The following CYP2C19 variants were observed in gnomAD, a reference collection of about 807,000 sequenced individuals.
CYP2C19 encodes cytochrome P450 2C19.
CYP2C19 carries 59 observed loss-of-function variants against 40.9 expected under a neutral mutation model. The ratio of observed to expected loss-of-function variants is 1.44; its 90% CI spans 1.17 to 1.79. The LOEUF (loss-of-function observed/expected upper bound fraction) is 1.79. Ranked by LOEUF, CYP2C19 falls within the 40% of genes most tolerant of loss-of-function variation. CYP2C19 has a pLI of 0.00. For synonymous variants in CYP2C19, 253 were observed against 208.7 expected, an observed-to-expected ratio of 1.21 and a Z score of -1.83; for missense variants, 754 against 596.9, an observed-to-expected ratio of 1.26 and a Z score of -2.74.
At chr10:94,790,610 T>G (rs941560023) in intron 5 of CYP2C19, among the ~76,000 whole-genome samples, 1 of 152,122 alleles carries the variant, frequency 6.6e-6, no homozygotes, top group African/African-American at 2.4e-5. Context: ...AATCATGTGG[T>G]TTTTGTCTTT....
chr10:94,839,909 G>C (rs904939201), intron 6 of CYP2C19, among the ~76,000 whole-genome samples: 1 of 152,166 alleles, frequency 6.6e-6, no homozygotes, highest in African/African-American at 2.4e-5. Context: ...TCAGAGGTTG[G>C]AGTTACGTTA....
At chr10:94,770,889 A>T (rs1216035529) in intron 1 of CYP2C19, among the ~76,000 whole-genome samples, 1 of 152,156 alleles carries the variant, frequency 6.6e-6, no homozygotes, top group African/African-American at 2.4e-5. Flanking sequence ...CTTGCTGACC[A>T]GTAGGGAATT....
At position 94,854,018 on chromosome 10, in the gene CYP2C19, C is replaced by A. The variant is rs865835864; in HGVS notation, c.*1104C>A. ...TTCAAACATGAACAAAATTTCTTTT[C>A]TTTTTTCTTTTTTTTTTGAAATGGA... is the stretch of plus-strand genomic sequence containing the variant. On this transcript the variant is annotated 3_prime_UTR_variant, in exon 9 of 9. Transcript: ENST00000371321. Among the ~76,000 whole-genome samples, 1 of 151,510 alleles carries A rather than the reference C, an allele frequency of 6.6e-6. No homozygotes were observed. Among genetic ancestry groups the A allele is most frequent in the African/African-American group, 2.4e-5 (1 of 41,334 alleles).
At chr10:94,818,365 T>C (rs182061892) in intron 5 of CYP2C19, among the ~76,000 whole-genome samples, 3 of 151,932 alleles carry the variant, frequency 2.0e-5, no homozygotes, top group Non-Finnish European at 2.9e-5. Flanking sequence ...ATTGACTTGA[T>C]GATGCGGGCT....
At position 94,780,507 on chromosome 10, in the gene CYP2C19, T is replaced by A; in HGVS notation, c.490T>A (p.Cys164Ser). ...TGTTTCCAATCATTTAGCTTCACCCTGTGATCCCACTTTCATCCTGGGCTG... is the reference window on the plus strand; with the variant it reads ...TGTTTCCAATCATTTAGCTTCACCCAGTGATCCCACTTTCATCCTGGGCTG... ...EELRKTKASP[C>S]DPTFILGCAP... Residue 164 changes from cysteine (C) to serine (S), a missense_variant, in exon 4 of 9, where the codon TGT becomes AGT. Transcript: ENST00000371321. 1 of 1,613,556 alleles carries A rather than the reference T, an allele frequency of 6.2e-7. No individual in the cohort carries two copies. The highest frequency in any genetic ancestry group is 1.1e-5 in the South Asian group (1 of 91,050).
At chr10:94,848,150 C>A (rs1046852790) in intron 7 of CYP2C19, among the ~76,000 whole-genome samples, 1 of 152,128 alleles carries the variant, frequency 6.6e-6, no homozygotes, top group African/African-American at 2.4e-5. Context: ...GAAGTCCTTG[C>A]CCATGCCTAT....
intron 5 of CYP2C19, among the ~76,000 whole-genome samples, chr10:94,818,051 T>G (rs531015530): frequency 5.1e-4 from 76 of 149,838 alleles, no homozygotes; most frequent in Non-Finnish European, 8.8e-4. Context: ...TAATCCATCT[T>G]GAATTGATTT....
chr10:94,813,634 C>T (rs933681703), intron 5 of CYP2C19, among the ~76,000 whole-genome samples: 1 of 151,728 alleles, frequency 6.6e-6, no homozygotes, highest in Admixed American at 6.6e-5. Context: ...CCCTCAACAC[C>T]CCCCCCAAGC....
chr10:94,813,751 T>G (rs1848960736), intron 5 of CYP2C19, among the ~76,000 whole-genome samples: 1 of 150,754 alleles, frequency 6.6e-6, no homozygotes, highest in African/African-American at 2.5e-5. Flanking sequence ...CTGAGCTAGA[T>G]CTCTTGGCTC....
chr10:94,780,551 C>A lies in CYP2C19; in HGVS notation c.534C>A (p.Ile178=). Residue 178 remains isoleucine (I), a synonymous_variant, in exon 4 of 9, where the codon ATC becomes ATA. Transcript: ENST00000371321. ...TGGGCTGTGCTCCCTGCAATGTGAT[C>A]TGCTCCATTATTTTCCAGAAACGTT... The part of the protein sequence containing the change: ...FILGCAPCNV[I]CSIIFQKRFD... The A allele has an allele frequency of 1.2e-6, 2 of 1,613,902 alleles. No individual in the cohort carries two copies. The highest frequency in any genetic ancestry group is 1.7e-6 in the Non-Finnish European group (2 of 1,179,924).
intron 5 of CYP2C19, among the ~76,000 whole-genome samples, chr10:94,792,430 C>A (rs183590790): frequency 6.6e-6 from 1 of 152,032 alleles, no homozygotes; most frequent in Non-Finnish European, 1.5e-5. Flanking sequence ...TGTTAGTTGG[C>A]TCAGTTTCTT....
chr10:94,775,588 T>C (rs779010297), intron 3 of CYP2C19, 49 bp downstream of exon 3: 2 of 1,613,490 alleles, frequency 1.2e-6, no homozygotes, highest in Non-Finnish European at 8.5e-7. Context: ...TGCTCTCCTC[T>C]CTACTGACAT....
intron 3 of CYP2C19, chr10:94,776,526 C>T (rs1848409840): frequency 6.6e-6 from 1 of 152,164 alleles, no homozygotes; most frequent in African/African-American, 2.4e-5. Context: ...ATGATACACA[C>T]ACACTCAACA....
intron 5 of CYP2C19, among the ~76,000 whole-genome samples, chr10:94,806,754 A>G (rs1564671174): frequency 6.7e-6 from 1 of 149,624 alleles, no homozygotes; most frequent in Non-Finnish European, 1.5e-5. Context: ...TAAATTTATA[A>G]TTTATTATTT....
intron 6 of CYP2C19, among the ~76,000 whole-genome samples, chr10:94,836,786 G>A (rs991655554): frequency 6.6e-6 from 1 of 152,244 alleles, no homozygotes; most frequent in Admixed American, 6.5e-5. Flanking sequence ...GCCACAGGTA[G>A]TGAGGAAATT....
chr10:94,837,712 A>T (rs1424603095), intron 6 of CYP2C19, among the ~76,000 whole-genome samples: 1 of 152,106 alleles, frequency 6.6e-6, no homozygotes, highest in African/African-American at 2.4e-5. Flanking sequence ...AGTGTCCAGG[A>T]GACAGTTAAC....
At chr10:94,837,859 C>G (rs1195075988) in intron 6 of CYP2C19, among the ~76,000 whole-genome samples, 1 of 152,218 alleles carries the variant, frequency 6.6e-6, no homozygotes, top group East Asian at 1.9e-4. Flanking sequence ...CCTTCATCCC[C>G]TGGGGCAGTG....
At chr10:94,818,545 T>G (rs1374747890) in intron 5 of CYP2C19, among the ~76,000 whole-genome samples, 1 of 143,298 alleles carries the variant, frequency 7.0e-6, no homozygotes, top group Non-Finnish European at 1.5e-5. Context: ...TTCCATTTGT[T>G]TGTATCCTCT....
intron 1 of CYP2C19, among the ~76,000 whole-genome samples, chr10:94,766,107 C>G (rs150822258): frequency 2.6e-3 from 395 of 152,144 alleles, no homozygotes; most frequent in African/African-American, 9.2e-3. Flanking sequence ...GGGTCTTTTC[C>G]GTCATAATGA....
Sources: allele counts gnomAD v4.1 joint callset (sites outside exome capture counted in the v4.1 genomes callset), GRCh38; gene constraint gnomAD v4.1.1; transcripts MANE v1.5; gene names NCBI Gene and HGNC (gene_info 2026-07-23, HGNC 2026-07-21).